Variants in TBC1D32 observed in about 807,000 individuals in gnomAD.
TBC1D32 encodes the protein protein broad-minded.
A neutral mutation model predicts 170.3 loss-of-function variants in TBC1D32; 151 were observed. That is an observed-to-expected ratio of 0.89 (90% confidence interval 0.78 to 1.01). The LOEUF is 1.01. TBC1D32 is among the 50% of genes least tolerant of loss of function. TBC1D32 has a pLI of 0.00. For synonymous variants in TBC1D32, 498 were observed against 488.0 expected, an observed-to-expected ratio of 1.02 and a Z score of -0.27; for missense variants, 1,464 against 1,457.1, an observed-to-expected ratio of 1.00 and a Z score of -0.08.
At chr6:121,273,886 T>C (rs1158336198) in intron 15 of TBC1D32, among the ~76,000 whole-genome samples, 1 of 152,160 alleles carries the variant, frequency 6.6e-6, no homozygotes, top group African/African-American at 2.4e-5. Flanking sequence ...CTCACTTCCA[T>C]TTTCTGTGCA....
intron 26 of TBC1D32, among the ~76,000 whole-genome samples, chr6:121,115,973 G>A (rs1054289700): frequency 3.3e-5 from 5 of 152,154 alleles, no homozygotes; most frequent in Admixed American, 2.6e-4. Context: ...CAAACTAACA[G>A]TGAACCCTCA....
At chr6:121,153,195 T>C (rs1784425921) in intron 24 of TBC1D32, among the ~76,000 whole-genome samples, 3 of 152,180 alleles carry the variant, frequency 2.0e-5, no homozygotes, top group Admixed American at 2.0e-4. Context: ...TGCGTGGTCC[T>C]TCTTGATGTT....
chr6:121,153,010 A>C (rs1784400187), intron 24 of TBC1D32, among the ~76,000 whole-genome samples: 1 of 152,116 alleles, frequency 6.6e-6, no homozygotes, highest in South Asian at 2.1e-4. Flanking sequence ...CAATTTGTCA[A>C]ACTCATTCTC....
intron 20 of TBC1D32, among the ~76,000 whole-genome samples, chr6:121,234,669 C>T (rs1796127172): frequency 6.6e-6 from 1 of 152,042 alleles, no homozygotes; most frequent in Non-Finnish European, 1.5e-5. Context: ...TCTCTGATGA[C>T]TCCTTGATTA....
intron 4 of TBC1D32, among the ~76,000 whole-genome samples, chr6:121,308,683 C>CTTCTTT (rs763705606): frequency 2.1e-5 from 1 of 47,256 alleles, no homozygotes; most frequent in Admixed American, 4.3e-4. Context: ...AGAAAGCTTA[C>CTTCTTT]TTCTTTTTTT....
At chr6:121,204,962 G>C in intron 22 of TBC1D32, 113 bp downstream of exon 22, 2 of 558,866 alleles carry the variant, frequency 3.6e-6, no homozygotes, top group Non-Finnish European at 6.0e-6. Context: ...TTACCTTTAA[G>C]CATGCTTTTA....
intron 21 of TBC1D32, among the ~76,000 whole-genome samples, chr6:121,215,830 T>C (rs113654607): frequency 0.019 from 2,871 of 152,300 alleles, 34 homozygotes; most frequent in South Asian, 0.042. Flanking sequence ...GAATGGCTAT[T>C]ATCAAAAAAG....
intron 30 of TBC1D32, among the ~76,000 whole-genome samples, chr6:121,103,312 T>C (rs1301864549): frequency 6.6e-6 from 1 of 151,912 alleles, no homozygotes; most frequent in African/African-American, 2.4e-5. Context: ...CTATTCACAA[T>C]AGCAAAGACT....
At chr6:121,111,474 A>T (rs756711047) in intron 29 of TBC1D32, among the ~76,000 whole-genome samples, 3 of 152,184 alleles carry the variant, frequency 2.0e-5, no homozygotes, top group Non-Finnish European at 2.9e-5. Flanking sequence ...TAGATTTTTT[A>T]AAATCTTCAA....
rs766507386 is a variant in TBC1D32, at chr6:121,279,111, T to C, written c.1733+10A>G. On this transcript the variant is annotated intron_variant, in intron 15 of 31. Transcript: ENST00000398212. ...CTGGAATAATTATCCGGATTTAAAA[T>C]AGCACATACCTTTCTTCAGAAGAGT... is the stretch of plus-strand genomic sequence containing the variant. The C allele has an allele frequency of 6.3e-7, 1 of 1,581,260 alleles. No homozygotes were observed.
intron 3 of TBC1D32, among the ~76,000 whole-genome samples, chr6:121,316,702 A>G (rs890604687): frequency 6.6e-6 from 1 of 152,160 alleles, no homozygotes; most frequent in Non-Finnish European, 1.5e-5. Context: ...TGCAGTCCCA[A>G]CTTGACCAAT....
chr6:121,139,789 T>C (rs887334141), intron 24 of TBC1D32: 1 of 152,174 alleles, frequency 6.6e-6, no homozygotes, highest in African/African-American at 2.4e-5. Flanking sequence ...GAACGCTGCA[T>C]AGCTCCAGAG....
At chr6:121,104,147 A>T (rs1778445858) in intron 30 of TBC1D32, among the ~76,000 whole-genome samples, 1 of 151,850 alleles carries the variant, frequency 6.6e-6, no homozygotes, top group African/African-American at 2.4e-5. Flanking sequence ...GAAAGCTCAT[A>T]TCATAATATC....
chr6:121,191,745 G>T (rs1790068641), intron 22 of TBC1D32, among the ~76,000 whole-genome samples: 1 of 152,116 alleles, frequency 6.6e-6, no homozygotes, highest in African/African-American at 2.4e-5. Context: ...TACTGATCCT[G>T]GTGTGTCTGT....
intron 24 of TBC1D32, among the ~76,000 whole-genome samples, chr6:121,148,787 G>A (rs1299729647): frequency 6.6e-6 from 1 of 151,952 alleles, no homozygotes; most frequent in African/African-American, 2.4e-5. Context: ...CGAATGTTTG[G>A]ATTTTTAGTA....
intron 22 of TBC1D32, among the ~76,000 whole-genome samples, chr6:121,168,712 TAA>T (rs59283869): frequency 1.6e-3 from 149 of 93,898 alleles, no homozygotes; most frequent in African/African-American, 5.0e-3. Context: ...TAGAGTATAA[TAA>T]AAAAAAAAAA....
At chr6:121,187,568 C>A (rs535177979) in intron 22 of TBC1D32, among the ~76,000 whole-genome samples, 23 of 152,144 alleles carry the variant, frequency 1.5e-4, no homozygotes, top group Middle Eastern at 3.4e-3. Flanking sequence ...GCCTCCAACC[C>A]ATTCCCACCT....
chr6:121,226,471 A>C (rs1034223955), intron 20 of TBC1D32, among the ~76,000 whole-genome samples: 1 of 152,122 alleles, frequency 6.6e-6, no homozygotes, highest in African/African-American at 2.4e-5. Context: ...TCAGAAAAGT[A>C]GTGGGAATTA....
chr6:121,193,390 C>T (rs939716688), intron 22 of TBC1D32, among the ~76,000 whole-genome samples: 1 of 152,228 alleles, frequency 6.6e-6, no homozygotes, highest in Non-Finnish European at 1.5e-5. Context: ...TAGACCTACT[C>T]ATCCCAGTTG....
Sources: allele counts gnomAD v4.1 joint callset (sites outside exome capture counted in the v4.1 genomes callset), GRCh38; gene constraint gnomAD v4.1.1; transcripts MANE v1.5; gene names NCBI Gene and HGNC (gene_info 2026-07-23, HGNC 2026-07-21).